Variants in WDR7 observed in about 807,000 individuals in gnomAD.
WDR7 encodes the protein WD repeat domain 7.
WDR7 carries 46 observed loss-of-function variants against 169.4 expected under a neutral mutation model. That is an observed-to-expected ratio of 0.27 (90% CI 0.21 to 0.35). The LOEUF is 0.35. WDR7 is among the 10% of genes least tolerant of loss of function. The probability of loss-of-function intolerance (pLI) is 1.00; values close to 1 mark genes in which losing one functional copy is unlikely to be tolerated. For synonymous variants in WDR7, 612 were observed against 666.8 expected (o/e 0.92, Z 1.27); for missense variants, 1,534 against 1,859.3 (o/e 0.83, Z 3.22).
At chr18:56,694,580 A>C in intron 9 of WDR7, 39 bp from the exon 10 acceptor site, 4 of 1,546,692 alleles carry the variant, frequency 2.6e-6, no homozygotes, top group Non-Finnish European at 3.5e-6. Context: ...ATTTTGATTA[A>C]AAATACAGCT....
intron 16 of WDR7, among the ~76,000 whole-genome samples, chr18:56,771,870 G>A (rs372569917): frequency 4.0e-5 from 6 of 151,046 alleles, no homozygotes; most frequent in Admixed American, 2.0e-4. Context: ...CAACAAGAGC[G>A]AAACTCCATC....
chr18:56,763,573 G>T (rs551526164), intron 16 of WDR7, among the ~76,000 whole-genome samples: 1 of 152,092 alleles, frequency 6.6e-6, no homozygotes, highest in Non-Finnish European at 1.5e-5. Flanking sequence ...TAATGCCTTT[G>T]TCCAGTTTTG....
chr18:56,844,400 C>T (rs1347212405), intron 20 of WDR7, among the ~76,000 whole-genome samples: 1 of 152,144 alleles, frequency 6.6e-6, no homozygotes, highest in Non-Finnish European at 1.5e-5. Context: ...TACAATTTCT[C>T]AACTTCATTT....
intron 26 of WDR7, among the ~76,000 whole-genome samples, chr18:57,000,442 C>A (rs2145884149): frequency 6.6e-6 from 1 of 151,832 alleles, no homozygotes; most frequent in East Asian, 1.9e-4. Flanking sequence ...TTTCCTGTGC[C>A]CCTTTGTTGG....
intron 19 of WDR7, among the ~76,000 whole-genome samples, chr18:56,814,056 C>G (rs1568210533): frequency 6.6e-6 from 1 of 152,144 alleles, no homozygotes; most frequent in Non-Finnish European, 1.5e-5. Context: ...CCTGGAAAGA[C>G]TTGGTGGTAA....
At chr18:57,016,002 G>C (rs2048200465) in intron 26 of WDR7, among the ~76,000 whole-genome samples, 1 of 152,182 alleles carries the variant, frequency 6.6e-6, no homozygotes, top group African/African-American at 2.4e-5. Context: ...TGTCCTGTTT[G>C]CCCTCTGCCG....
intron 17 of WDR7, 120 bp downstream of exon 17, chr18:56,777,000 AT>A: frequency 1.1e-6 from 1 of 940,248 alleles, no homozygotes; most frequent in Non-Finnish European, 1.7e-6. Context: ...TAAAGTTCCC[AT>A]TTTATGACTT....
intron 20 of WDR7, 99 bp downstream of exon 20, chr18:56,816,243 G>A (rs2044968602): frequency 1.9e-6 from 2 of 1,027,020 alleles, no homozygotes; most frequent in Admixed American, 2.9e-5. Flanking sequence ...TCGACGGAAA[G>A]GATGGAAACT....
rs1022289767 is a variant in WDR7, at chr18:56,682,562, C to A, written c.346-117C>A. 8 of 1,116,904 alleles carry A rather than the reference C, an allele frequency of 7.2e-6. No homozygotes were observed. In the Admixed American group the frequency reaches 9.9e-5, roughly 14 times the overall value. 69.2% of individuals were successfully genotyped at this position (1,116,904 alleles called of 1,614,324 possible). On this transcript the variant is annotated intron_variant, in intron 4 of 27. Coordinates refer to ENST00000254442, the MANE Select transcript of WDR7 (RefSeq NM_015285.3). Reference sequence around the variant, plus strand: ...ATTTGGTAAATATCTAAAATTCTTACCGAAGAAGTTGAGCTTTAGGAGAAT... The same window carrying A: ...ATTTGGTAAATATCTAAAATTCTTAACGAAGAAGTTGAGCTTTAGGAGAAT...
In WDR7 at chr18:57,027,440, C is replaced by T; in HGVS notation, c.*233C>T. ...TCTGCAGGATGTGGCCATCCTGTCA[C>T]CAGGTAGTTTTTCCCTGCCAGAGAT... On this transcript the variant is annotated 3_prime_UTR_variant, in exon 28 of 28. Transcript: ENST00000254442. The T allele has an allele frequency of 1.8e-6, 1 of 542,836 alleles. No individual in the cohort carries two copies. Among genetic ancestry groups the T allele is most frequent in the Non-Finnish European group, 3.2e-6 (1 of 313,270 alleles). The allele number at this position is 542,836 out of a possible 1,614,324, so 33.6% of individuals were successfully genotyped here.
chr18:56,895,140 T>C (rs1282078725), intron 21 of WDR7, among the ~76,000 whole-genome samples: 1 of 151,926 alleles, frequency 6.6e-6, no homozygotes, highest in Non-Finnish European at 1.5e-5. Flanking sequence ...TTAGCAAATG[T>C]AGCAAAATAA....
At chr18:56,720,184 C>A (rs1167788423) in intron 13 of WDR7, among the ~76,000 whole-genome samples, 1 of 152,114 alleles carries the variant, frequency 6.6e-6, no homozygotes, top group East Asian at 1.9e-4. Context: ...CAGTGGCTCA[C>A]ACCTGTAGTC....
At chr18:56,727,711 C>T (rs1465609083) in intron 13 of WDR7, among the ~76,000 whole-genome samples, 3 of 152,080 alleles carry the variant, frequency 2.0e-5, no homozygotes, top group Admixed American at 6.5e-5. Context: ...TGACTCAGGG[C>T]GAAACCATAT....
intron 22 of WDR7, among the ~76,000 whole-genome samples, chr18:56,924,792 C>A (rs1391113334): frequency 2.0e-5 from 3 of 152,186 alleles, no homozygotes; most frequent in Admixed American, 2.0e-4. Flanking sequence ...ATACACATAT[C>A]ATGAAATTTA....
intron 26 of WDR7, among the ~76,000 whole-genome samples, chr18:56,967,238 C>T (rs2047422866): frequency 6.6e-6 from 1 of 152,000 alleles, no homozygotes; most frequent in Non-Finnish European, 1.5e-5. Flanking sequence ...GGTTTCCTTT[C>T]TGCAGGCTGT....
intron 19 of WDR7, among the ~76,000 whole-genome samples, chr18:56,802,854 G>A (rs2044701833): frequency 6.6e-6 from 1 of 151,120 alleles, no homozygotes. Context: ...TCATGCCTTT[G>A]GTGTTGTATC....
chr18:56,873,754 C>G (rs955639728), intron 20 of WDR7: 6 of 152,148 alleles, frequency 3.9e-5, no homozygotes, highest in Non-Finnish European at 8.8e-5. Context: ...CTCATCCAAG[C>G]AGGGGAAGAA....
Position 56,756,864 on chromosome 18 carries a change from C to T in WDR7, c.2271C>T (p.His757=). ...CGATCAAAGAGAACATCAAGGAACA[C>T]CTCCTTGATGATGAAGAGGAGGATG... is the stretch of plus-strand genomic sequence containing the variant. The part of the protein sequence containing the change: ...KETIKENIKE[H]LLDDEEEDEE... Residue 757 remains histidine (H), a synonymous_variant, in exon 15 of 28, where the codon CAC becomes CAT. Coordinates refer to ENST00000254442, the MANE Select transcript of WDR7 (RefSeq NM_015285.3). 1.9e-6 allele frequency: 3 copies of T among 1,613,996 alleles called. No individual in the cohort carries two copies. Among genetic ancestry groups the T allele is most frequent in the Non-Finnish European group, 2.5e-6 (3 of 1,179,992 alleles).
At chr18:56,658,398 A>C (rs2024826483) in intron 1 of WDR7, among the ~76,000 whole-genome samples, 1 of 152,124 alleles carries the variant, frequency 6.6e-6, no homozygotes, top group Admixed American at 6.5e-5. Flanking sequence ...CACTGCGCCC[A>C]GCCTGGAAAT....
Sources: allele counts gnomAD v4.1 joint callset (sites outside exome capture counted in the v4.1 genomes callset), GRCh38; gene constraint gnomAD v4.1.1; transcripts MANE v1.5; gene names NCBI Gene and HGNC (gene_info 2026-07-23, HGNC 2026-07-21).